The following NSD2 variants were observed in gnomAD, a reference collection of about 807,000 sequenced individuals.
NSD2 encodes nuclear receptor binding SET domain protein 2.
A neutral mutation model predicts 139.0 loss-of-function variants in NSD2; 12 were observed. The ratio of observed to expected loss-of-function variants is 0.09; its 90% CI spans 0.06 to 0.14. The LOEUF is 0.14. Ranked by LOEUF, NSD2 falls within the 10% of genes least tolerant of loss-of-function variation. The pLI is 1.00. For synonymous variants in NSD2, 669 were observed against 648.7 expected, an observed-to-expected ratio of 1.03 and a Z score of -0.48; for missense variants, 1,155 against 1,745.0, an observed-to-expected ratio of 0.66 and a Z score of 6.02.
chr4:1,938,426 T>C (rs746426053), intron 7 of NSD2, 25 bp from the exon 8 acceptor site: 5 of 1,165,550 alleles, frequency 4.3e-6, no homozygotes, highest in Admixed American at 3.5e-5. Flanking sequence ...CTTTTTTTTT[T>C]TTTTTTTTTT....
rs1301667529 is a variant in NSD2 at position 1,978,922 on chromosome 4, G to A, written c.*13G>A. On this transcript the variant is annotated 3_prime_UTR_variant, in exon 22 of 22. Transcript: ENST00000508803. ...AGAGGGCAAATAGCGCCAGGCGGCC[G>A]CTTGGCCGGATCCAGGGGCGGTGCA... 3 of 1,486,466 alleles carry A rather than the reference G, an allele frequency of 2.0e-6. No homozygotes were observed. The highest frequency in any genetic ancestry group is 1.8e-6 in the Non-Finnish European group (2 of 1,115,488). The allele number at this position is 1,486,466 out of a possible 1,614,324, so 92.1% of individuals were successfully genotyped here.
At chr4:1,883,031 A>G (rs1465541077) in intron 1 of NSD2, among the ~76,000 whole-genome samples, 11 of 152,096 alleles carry the variant, frequency 7.2e-5, no homozygotes, top group Non-Finnish European at 1.2e-4. Flanking sequence ...AGAAAAGTGG[A>G]CAGGCCTAGC....
intron 1 of NSD2, among the ~76,000 whole-genome samples, chr4:1,883,162 G>T (rs944971525): frequency 5.3e-5 from 8 of 152,132 alleles, no homozygotes; most frequent in African/African-American, 1.9e-4. Context: ...ATGGCTAGAG[G>T]TGCCATTTAC....
chr4:1,914,475 G>A (rs967458592), intron 3 of NSD2, among the ~76,000 whole-genome samples: 1 of 152,012 alleles, frequency 6.6e-6, no homozygotes, highest in East Asian at 1.9e-4. Context: ...ACGGGCACAC[G>A]CCACCATGCC....
intron 1 of NSD2, among the ~76,000 whole-genome samples, chr4:1,878,653 T>C (rs1447304860): frequency 1.3e-5 from 2 of 152,152 alleles, no homozygotes; most frequent in Non-Finnish European, 2.9e-5. Context: ...GTACTTCGTA[T>C]GCCTTAGGGG....
At chr4:1,951,667 T>C (rs536715117) in intron 10 of NSD2, among the ~76,000 whole-genome samples, 2 of 152,206 alleles carry the variant, frequency 1.3e-5, no homozygotes, top group South Asian at 4.2e-4. Context: ...CCACCTACAC[T>C]CTGTGCTTCA....
rs561229956 is a variant in NSD2 at position 1,966,570 on chromosome 4, T to C, written c.3372+5419T>C. 8.1e-5 allele frequency among the ~76,000 whole-genome samples: 12 copies of C among 148,928 alleles called. No individual in the cohort carries two copies. In the East Asian group the frequency reaches 2.2e-3, roughly 27 times the overall value. On this transcript the variant is annotated intron_variant, in intron 18 of 21. Coordinates refer to ENST00000508803, the MANE Select transcript of NSD2 (RefSeq NM_001042424.3). The stretch of plus-strand genomic sequence containing the variant: ...TACTAGGGAGGCTGAGGCAGGAGAA[T>C]GGCGTGAACCCGGGAGGCGGAACTT...
chr4:1,939,464 G>C, intron 8 of NSD2, 190 bp from the exon 9 acceptor site: 1 of 645,808 alleles, frequency 1.5e-6, no homozygotes, highest in Non-Finnish European at 2.6e-6. Flanking sequence ...CGAGGACATG[G>C]GGTTCATTGT....
chr4:1,900,147 G>A (rs1329863129), intron 1 of NSD2, among the ~76,000 whole-genome samples: 1 of 152,218 alleles, frequency 6.6e-6, no homozygotes, highest in African/African-American at 2.4e-5. Flanking sequence ...AGCTGTAACA[G>A]GAGGGATTGG....
intron 21 of NSD2, among the ~76,000 whole-genome samples, chr4:1,977,769 G>A (rs1727249579): frequency 1.3e-5 from 2 of 149,000 alleles, no homozygotes; most frequent in African/African-American, 2.5e-5. Context: ...TCCAGCCTGG[G>A]CGACAGAGCA....
rs568719946 is a variant in NSD2 at position 1,976,045 on chromosome 4, G to A, written c.3622-430G>A. On this transcript the variant is annotated intron_variant, in intron 20 of 21. Coordinates refer to ENST00000508803, the MANE Select transcript of NSD2 (RefSeq NM_001042424.3). The surrounding 1 kb of genome is among the most constrained non-coding windows in gnomAD (Gnocchi z 5.3). Reference sequence around the variant, plus strand: ...CCTGAGCCGGTGTCTGTCCTCAGCCGTGTTGCTGAGGATGGTCACTGCCCT... The same window carrying A: ...CCTGAGCCGGTGTCTGTCCTCAGCCATGTTGCTGAGGATGGTCACTGCCCT... Among the ~76,000 whole-genome samples, 47 of 152,290 alleles carry A rather than the reference G, an allele frequency of 3.1e-4. No homozygotes were observed. In the South Asian group the frequency reaches 5.4e-3, roughly 17 times the overall value.
Position 1,980,577 on chromosome 4 carries a change from G to A in NSD2, c.*1668G>A, listed in dbSNP as rs1441437031. 1 of 233,080 alleles carries A rather than the reference G, an allele frequency of 4.3e-6. No homozygotes were observed. Among genetic ancestry groups the A allele is most frequent in the Non-Finnish European group, 8.5e-6 (1 of 118,014 alleles). 14.4% of individuals were successfully genotyped at this position (233,080 alleles called of 1,614,324 possible). A position where few individuals can be genotyped will look rare whatever the true frequency, so the allele number is the denominator to read the frequency against. Reference sequence around the variant, plus strand: ...TTGGACCTGAGAGTGGCTACTCCGTGGTTTTGTGACCTGTAAGCGTGGGGT... The same window carrying A: ...TTGGACCTGAGAGTGGCTACTCCGTAGTTTTGTGACCTGTAAGCGTGGGGT... On this transcript the variant is annotated 3_prime_UTR_variant, in exon 22 of 22. Transcript: ENST00000508803.
Position 1,960,005 on chromosome 4 carries a change from C to T in NSD2, c.3255+265C>T, listed in dbSNP as rs886068165. Among the ~76,000 whole-genome samples the T allele has an allele frequency of 2.6e-5, 4 of 152,002 alleles. No individual in the cohort carries two copies. The South Asian group carries it at 8.3e-4, about 32-fold the overall frequency. Reference sequence around the variant, plus strand: ...CTTCCCAAGCAGCTGGGACTACAGGCGTGTTTGACCATGCCCTAATAATTT... The same window carrying T: ...CTTCCCAAGCAGCTGGGACTACAGGTGTGTTTGACCATGCCCTAATAATTT... On this transcript the variant is annotated intron_variant, in intron 17 of 21. Coordinates refer to ENST00000508803, the MANE Select transcript of NSD2 (RefSeq NM_001042424.3).
Position 1,973,405 on chromosome 4 carries a change from C to T in NSD2, c.3373-1458C>T, listed in dbSNP as rs1241316165. ...GCATGCCCCGTGCTGTCCTCGTCCC[C>T]AGGGCCCTGCAGAAGTGGTGTGCAT... On this transcript the variant is annotated intron_variant, in intron 18 of 21. Transcript: ENST00000508803. This position sits in a 1 kb window ranked among gnomAD's most constrained non-coding sequence, Gnocchi z 5.5. Among the ~76,000 whole-genome samples, 1 of 152,206 alleles carries T rather than the reference C, an allele frequency of 6.6e-6. No individual in the cohort carries two copies. Among genetic ancestry groups the T allele is most frequent in the Non-Finnish European group, 1.5e-5 (1 of 68,032 alleles).
intron 3 of NSD2, among the ~76,000 whole-genome samples, chr4:1,911,587 CAA>C (rs372660600): frequency 1.9e-4 from 8 of 42,070 alleles, no homozygotes; most frequent in African/African-American, 5.6e-4. Context: ...GACGCCATCT[CAA>C]AAAAAAAAAA....
At chr4:1,919,167 C>CA (rs1176192458) in intron 5 of NSD2, 4,791 of 62,206 alleles carry the variant, frequency 0.077, 112 homozygotes, top group Non-Finnish European at 0.083. Context: ...GACTGTGTCT[C>CA]AAAAAAAAAA....
rs527860395 is a variant in NSD2, at chr4:1,895,991, C to T, written c.-29-4635C>T. The stretch of plus-strand genomic sequence containing the variant: ...GAGGAAGTCCTCTGCCTGGTGGTGG[C>T]TTCTTTTCCTCCTTACTGTTTGAAA... On this transcript the variant is annotated intron_variant, in intron 1 of 21. Transcript: ENST00000508803. Among the ~76,000 whole-genome samples, 286 of 152,342 alleles carry T rather than the reference C, an allele frequency of 1.9e-3. 8 individuals carry two copies. Among genetic ancestry groups the T allele is most frequent in the Middle Eastern group, 3.4e-3 (1 of 294 alleles).
At chr4:1,926,751 G>A (rs1720963861) in intron 5 of NSD2, among the ~76,000 whole-genome samples, 1 of 152,184 alleles carries the variant, frequency 6.6e-6, no homozygotes, top group South Asian at 2.1e-4. Flanking sequence ...GATTATAGGT[G>A]TGAGCCATTG....
At position 1,981,661 on chromosome 4, in the gene NSD2, C is replaced by T; in HGVS notation, c.*2752C>T. ...CAGGCCGGCCTTTCTTCCGGCGACA[C>T]CCGTCCATGGCTGGCTGGGTCCCCT... On this transcript the variant is annotated 3_prime_UTR_variant, in exon 22 of 22. Transcript: ENST00000508803. 2.5e-6 allele frequency: 1 copy of T among 392,200 alleles called. No homozygotes were observed. 24.3% of individuals were successfully genotyped at this position (392,200 alleles called of 1,614,324 possible). A position where few individuals can be genotyped will look rare whatever the true frequency, so the allele number is the denominator to read the frequency against.
Sources: allele counts gnomAD v4.1 joint callset (sites outside exome capture counted in the v4.1 genomes callset), GRCh38; gene constraint gnomAD v4.1.1; non-coding constraint Gnocchi (gnomAD v3.1); transcripts MANE v1.5; gene names NCBI Gene and HGNC (gene_info 2026-07-23, HGNC 2026-07-21).